Variants in B3GALT1 observed in about 807,000 individuals in gnomAD.
B3GALT1 encodes the protein beta-1,3-galactosyltransferase 1, also known as UDP-Gal:betaGlcNAc beta 1,3-galactosyltransferase, polypeptide 1.
In B3GALT1, 10 loss-of-function variants were observed where a neutral mutation model predicts 23.2. The ratio of observed to expected loss-of-function variants is 0.43; its 90% CI spans 0.27 to 0.73. B3GALT1 has a LOEUF of 0.73. Among genes scored for constraint, B3GALT1 ranks in the 30% least tolerant of loss-of-function variants. B3GALT1 has a pLI of 0.21. For missense variants in B3GALT1, 299 were observed against 405.4 expected, an observed-to-expected ratio of 0.74 and a Z score of 2.25; for synonymous variants, 156 against 141.5, an observed-to-expected ratio of 1.10 and a Z score of -0.73.
intron 3 of B3GALT1, among the ~76,000 whole-genome samples, chr2:167,746,878 T>G (rs576370004): frequency 6.6e-6 from 1 of 152,320 alleles, no homozygotes; most frequent in East Asian, 1.9e-4. Context: ...GTACATATAA[T>G]TTGATCTCAC....
intron 3 of B3GALT1, among the ~76,000 whole-genome samples, chr2:167,666,254 G>T (rs980400762): frequency 2.0e-5 from 3 of 152,184 alleles, no homozygotes; most frequent in African/African-American, 7.2e-5. Context: ...ATGTAGTTGA[G>T]CGGTTTTGAG....
At chr2:167,840,933 C>CCAAA (rs1245469667) in intron 4 of B3GALT1, among the ~76,000 whole-genome samples, 1 of 147,512 alleles carries the variant, frequency 6.8e-6, no homozygotes, top group East Asian at 2.0e-4. Flanking sequence ...GAACAAAAAA[C>CCAAA]CAAACACCGC....
intron 4 of B3GALT1, among the ~76,000 whole-genome samples, chr2:167,856,725 A>G (rs1403840387): frequency 1.3e-5 from 2 of 152,224 alleles, no homozygotes; most frequent in African/African-American, 2.4e-5. Flanking sequence ...TAGGAGTTAA[A>G]TAGGTAAGGA....
intron 1 of B3GALT1, among the ~76,000 whole-genome samples, chr2:167,352,657 A>C (rs1323074337): frequency 6.6e-6 from 1 of 151,580 alleles, no homozygotes; most frequent in African/African-American, 2.4e-5. Flanking sequence ...GGAGGCGGAG[A>C]CTGCAGTGAG....
intron 1 of B3GALT1, among the ~76,000 whole-genome samples, chr2:167,432,570 C>A (rs1698721919): frequency 6.6e-6 from 1 of 152,146 alleles, no homozygotes; most frequent in Non-Finnish European, 1.5e-5. Context: ...TTTAAAAGAA[C>A]TTCTCTAACA....
chr2:167,354,566 C>T (rs1373808052), intron 1 of B3GALT1, among the ~76,000 whole-genome samples: 2 of 152,020 alleles, frequency 1.3e-5, no homozygotes, highest in Non-Finnish European at 2.9e-5. Context: ...AGGATGGTCT[C>T]GGTCTGTTGA....
intron 1 of B3GALT1, among the ~76,000 whole-genome samples, chr2:167,302,701 C>T (rs1229871564): frequency 6.6e-6 from 1 of 152,142 alleles, no homozygotes; most frequent in African/African-American, 2.4e-5. Context: ...TATCAGTTGT[C>T]CTAATTTGTA....
At chr2:167,605,138 G>C (rs1684940809) in intron 2 of B3GALT1, among the ~76,000 whole-genome samples, 1 of 152,146 alleles carries the variant, frequency 6.6e-6, no homozygotes. Flanking sequence ...GGCAGTGTGG[G>C]ACATACTGTC....
At chr2:167,712,170 T>C (rs188926846) in intron 3 of B3GALT1, among the ~76,000 whole-genome samples, 46 of 152,262 alleles carry the variant, frequency 3.0e-4, no homozygotes, top group African/African-American at 1.1e-3. Context: ...CTTTTAATAA[T>C]GGAGCAGTGG....
chr2:167,825,200 C>T (rs1280714972), intron 4 of B3GALT1, among the ~76,000 whole-genome samples: 4 of 147,654 alleles, frequency 2.7e-5, no homozygotes, highest in South Asian at 2.2e-4. Context: ...AGGAGAATGG[C>T]GTGAACCCGG....
At chr2:167,545,189 C>G (rs889039421) in intron 2 of B3GALT1, among the ~76,000 whole-genome samples, 3 of 151,762 alleles carry the variant, frequency 2.0e-5, no homozygotes, top group African/African-American at 7.3e-5. Context: ...TGCCCGCCAC[C>G]ACGCCCGGCT....
At chr2:167,671,462 A>G (rs1220201064) in intron 3 of B3GALT1, among the ~76,000 whole-genome samples, 3 of 152,158 alleles carry the variant, frequency 2.0e-5, no homozygotes, top group South Asian at 4.1e-4. Context: ...TATCAAATAT[A>G]TTTTCTAACC....
chr2:167,444,185 T>A (rs528309183), intron 1 of B3GALT1, among the ~76,000 whole-genome samples: 69 of 152,268 alleles, frequency 4.5e-4, no homozygotes, highest in Non-Finnish European at 7.8e-4. Context: ...ATTTGCATAT[T>A]TTGAACCAGC....
At chr2:167,392,731 AAAG>A (rs1372521260) in intron 1 of B3GALT1, among the ~76,000 whole-genome samples, 2 of 152,316 alleles carry the variant, frequency 1.3e-5, no homozygotes, top group East Asian at 3.9e-4. Flanking sequence ...AATTATCACA[AAAG>A]AAGATTAAAA....
At chr2:167,653,233 A>C (rs1480412157) in intron 3 of B3GALT1, among the ~76,000 whole-genome samples, 1 of 152,068 alleles carries the variant, frequency 6.6e-6, no homozygotes, top group African/African-American at 2.4e-5. Flanking sequence ...TATTTAGTAC[A>C]AAAAGGTCTG....
chr2:167,424,642 C>T (rs1421158598), intron 1 of B3GALT1, among the ~76,000 whole-genome samples: 1 of 151,906 alleles, frequency 6.6e-6, no homozygotes, highest in Non-Finnish European at 1.5e-5. Flanking sequence ...GTTTGCAAGC[C>T]ATATTTAGAT....
chr2:167,364,200 ACTC>A (rs2105264976), intron 1 of B3GALT1, among the ~76,000 whole-genome samples: 1 of 148,640 alleles, frequency 6.7e-6, no homozygotes, highest in East Asian at 2.0e-4. Context: ...AGAAAAGAAA[ACTC>A]CACTTTCAGC....
chr2:167,621,948 G>A (rs559663629), intron 2 of B3GALT1, among the ~76,000 whole-genome samples: 19 of 152,060 alleles, frequency 1.2e-4, no homozygotes, highest in Admixed American at 3.3e-4. Context: ...CAATTAAACC[G>A]CTTTCCTTTA....
chr2:167,515,507 G>A (rs1700087350), intron 2 of B3GALT1, among the ~76,000 whole-genome samples: 1 of 151,994 alleles, frequency 6.6e-6, no homozygotes, highest in Admixed American at 6.6e-5. Flanking sequence ...AAAATTATAG[G>A]GAAGCATAAA....
Sources: allele counts gnomAD v4.1 joint callset (sites outside exome capture counted in the v4.1 genomes callset), GRCh38; gene constraint gnomAD v4.1.1; transcripts MANE v1.5; gene names NCBI Gene and HGNC (gene_info 2026-07-23, HGNC 2026-07-21).